NOP58: variants seen among roughly 807,000 people sequenced by gnomAD.
The protein encoded by NOP58 is nucleolar protein 58.
NOP58 carries 44 observed loss-of-function variants against 71.2 expected under a neutral mutation model. The ratio of observed to expected loss-of-function variants is 0.62; its 90% CI spans 0.49 to 0.79. The LOEUF (loss-of-function observed/expected upper bound fraction) is 0.79, where lower values mean the gene tolerates loss of function less well. NOP58 is among the 30% of genes least tolerant of loss of function. The pLI, the probability that NOP58 is intolerant of heterozygous loss-of-function variation, is 0.00. For missense variants in NOP58, 538 were observed against 620.2 expected, an observed-to-expected ratio of 0.87 and a Z score of 1.41; for synonymous variants, 228 against 200.3, an observed-to-expected ratio of 1.14 and a Z score of -1.17.
chr2:202,279,224 G>A (rs928045894), intron 3 of NOP58, among the ~76,000 whole-genome samples: 1 of 152,020 alleles, frequency 6.6e-6, no homozygotes, highest in Non-Finnish European at 1.5e-5. Flanking sequence ...TTTTGCATAC[G>A]ATCTTTAATC....
chr2:202,294,598 C>A (rs1364686985), intron 9 of NOP58, among the ~76,000 whole-genome samples: 2 of 152,068 alleles, frequency 1.3e-5, no homozygotes, highest in African/African-American at 4.8e-5. Context: ...ACATACATAT[C>A]TATAATAAAG....
intron 9 of NOP58, among the ~76,000 whole-genome samples, chr2:202,294,693 G>A (rs1447773760): frequency 6.6e-6 from 1 of 152,116 alleles, no homozygotes; most frequent in Non-Finnish European, 1.5e-5. Flanking sequence ...GGCCGGGTGT[G>A]GTGGCTTACG....
chr2:202,303,394 G>C lies in NOP58; in HGVS notation c.1548G>C (p.Glu516Asp). 6.2e-7 allele frequency: 1 copy of C among 1,609,962 alleles called. No homozygotes were observed. Among genetic ancestry groups the C allele is most frequent in the South Asian group, 1.1e-5 (1 of 90,652 alleles). ...TTGTTGGCTATTTTCAGAGTCCAGA[G>C]AAAAAGAAGAAAAAGAAAAAAAAGA... ...PCTSTAIASP[E>D]KKKKKKKKRE... Residue 516 changes from glutamate to aspartate, a missense_variant, in exon 15 of 15, where the codon GAG (glutamate) becomes GAC (aspartate). Physicochemically the swap from Glu to Asp is conservative, Grantham distance 45. Coordinates refer to ENST00000264279, the MANE Select transcript of NOP58 (RefSeq NM_015934.5).
chr2:202,303,339 C>G (rs760331509), intron 14 of NOP58, 47 bp from the exon 15 acceptor site: 1 of 1,604,396 alleles, frequency 6.2e-7, no homozygotes, highest in Non-Finnish European at 8.5e-7. Context: ...GATTACTCAC[C>G]CATACAATTT....
intron 8 of NOP58, 47 bp downstream of exon 8, chr2:202,291,317 T>A (rs772156776): frequency 1.4e-6 from 2 of 1,438,922 alleles, no homozygotes; most frequent in Non-Finnish European, 1.9e-6. Context: ...ACCAGCTCTA[T>A]AGTACTAATT....
At chr2:202,268,854 C>T (rs984024362) in intron 1 of NOP58, among the ~76,000 whole-genome samples, 3 of 151,950 alleles carry the variant, frequency 2.0e-5, no homozygotes, top group South Asian at 2.1e-4. Context: ...GTGATCTGCC[C>T]GCCTCAGCCT....
intron 2 of NOP58, among the ~76,000 whole-genome samples, chr2:202,277,448 A>C (rs1455900337): frequency 1.3e-5 from 2 of 151,976 alleles, no homozygotes; most frequent in African/African-American, 4.8e-5. Context: ...ACTGCACTCC[A>C]GCGTGGGTGA....
intron 3 of NOP58, 71 bp from the exon 4 acceptor site, chr2:202,282,280 G>A: frequency 1.5e-6 from 2 of 1,322,588 alleles, no homozygotes; most frequent in Non-Finnish European, 2.1e-6. Flanking sequence ...TTTTTTAAGT[G>A]TCAACTAGGG....
chr2:202,286,829 A>G (rs1448047540), intron 5 of NOP58, among the ~76,000 whole-genome samples: 2 of 152,184 alleles, frequency 1.3e-5, no homozygotes, highest in African/African-American at 4.8e-5. Context: ...TGCCATGAGT[A>G]TCTGGTGGAT....
chr2:202,283,166 T>G (rs186815567), intron 4 of NOP58, among the ~76,000 whole-genome samples: 28 of 152,132 alleles, frequency 1.8e-4, no homozygotes, highest in African/African-American at 6.5e-4. Context: ...TCTCAAGCAA[T>G]CCTCCCTCTT....
At chr2:202,274,228 T>C (rs770081520) in intron 1 of NOP58, among the ~76,000 whole-genome samples, 12 of 152,024 alleles carry the variant, frequency 7.9e-5, no homozygotes, top group Non-Finnish European at 1.3e-4. Context: ...TTTTTGTTTT[T>C]TGTTTTATTT....
At chr2:202,281,773 A>C (rs1406678791) in intron 3 of NOP58, among the ~76,000 whole-genome samples, 1 of 152,226 alleles carries the variant, frequency 6.6e-6, no homozygotes, top group African/African-American at 2.4e-5. Context: ...TATAGGTCTA[A>C]GGAAGGGTGA....
intron 9 of NOP58, among the ~76,000 whole-genome samples, chr2:202,293,874 C>G (rs1257696687): frequency 6.6e-6 from 1 of 152,148 alleles, no homozygotes; most frequent in Admixed American, 6.6e-5. Context: ...TGCGCCCGGC[C>G]TGGCGTAACT....
At chr2:202,275,062 T>G in intron 1 of NOP58, 51 bp from the exon 2 acceptor site, 1 of 860,342 alleles carries the variant, frequency 1.2e-6, no homozygotes, top group Non-Finnish European at 1.9e-6. Flanking sequence ...TGCAGCTGTA[T>G]ATGCCTCACC....
At chr2:202,294,352 A>G (rs1688954400) in intron 9 of NOP58, among the ~76,000 whole-genome samples, 1 of 151,874 alleles carries the variant, frequency 6.6e-6, no homozygotes, top group Non-Finnish European at 1.5e-5. Flanking sequence ...AAAAAAAAAA[A>G]AAAGAACTAT....
At chr2:202,288,832 TATTCGGCTGG>T (rs1688835637) in intron 6 of NOP58, among the ~76,000 whole-genome samples, 1 of 148,918 alleles carries the variant, frequency 6.7e-6, no homozygotes, top group Non-Finnish European at 1.5e-5. Flanking sequence ...AAAAACAAAG[TATTCGGCTGG>T]GCGCAGTGGC....
intron 10 of NOP58, among the ~76,000 whole-genome samples, chr2:202,296,866 T>A (rs1689002605): frequency 2.0e-5 from 3 of 152,126 alleles, no homozygotes. Flanking sequence ...CCAGTGTAGC[T>A]GGGACTACAG....
At chr2:202,290,894 C>T in intron 7 of NOP58, 1 of 411,158 alleles carries the variant, frequency 2.4e-6, no homozygotes, top group South Asian at 5.7e-5. Flanking sequence ...ATATTTTGTC[C>T]TCTTTTTACT....
At chr2:202,269,012 C>T (rs1439073587) in intron 1 of NOP58, among the ~76,000 whole-genome samples, 1 of 151,960 alleles carries the variant, frequency 6.6e-6, no homozygotes, top group African/African-American at 2.4e-5. Context: ...TATTTTGAGG[C>T]AGGGTCTTGC....
Sources: allele counts gnomAD v4.1 joint callset (sites outside exome capture counted in the v4.1 genomes callset), GRCh38; gene constraint gnomAD v4.1.1; transcripts MANE v1.5; gene names NCBI Gene and HGNC (gene_info 2026-07-23, HGNC 2026-07-21).